The following RAB3GAP1 variants were observed in gnomAD, a reference collection of about 807,000 sequenced individuals.
The protein encoded by RAB3GAP1 is rab3 GTPase-activating protein catalytic subunit.
In RAB3GAP1, 86 loss-of-function variants were observed where a neutral mutation model predicts 130.7. The ratio of observed to expected loss-of-function variants is 0.66; its 90% CI spans 0.55 to 0.79. The LOEUF is 0.79. Among genes scored for constraint, RAB3GAP1 ranks in the 30% least tolerant of loss-of-function variants. RAB3GAP1 has a pLI of 0.00. For missense variants in RAB3GAP1, 1,029 were observed against 1,169.4 expected (o/e 0.88, Z 1.75); for synonymous variants, 367 against 401.7 (o/e 0.91, Z 1.03).
intron 19 of RAB3GAP1, among the ~76,000 whole-genome samples, chr2:135,155,473 G>A (rs926369416): frequency 1.3e-5 from 2 of 152,102 alleles, no homozygotes; most frequent in African/African-American, 2.4e-5. Flanking sequence ...CAGTCCCTAT[G>A]GCTTAACAAA....
At chr2:135,064,755 G>T (rs72976393) in intron 3 of RAB3GAP1, among the ~76,000 whole-genome samples, 6,200 of 104,034 alleles carry the variant, frequency 0.06, 423 homozygotes, top group African/African-American at 0.19. Flanking sequence ...GAGGTGTTTT[G>T]TTTTTTTTTT....
In RAB3GAP1 at chr2:135,130,638, C is replaced by G. The variant is rs771433559; in HGVS notation, c.1153C>G (p.His385Asp). The change falls in exon 13 of 24, where the codon CAC (histidine) becomes GAC (aspartate). Residue 385 changes from histidine (H) to aspartate (D), a missense_variant. Physicochemically the swap from His to Asp is moderately conservative, Grantham distance 81. Transcript: ENST00000264158. ...TAAATTATCAGTTTCAAATATGGTA[C>G]ACACTGCAAAGAAGAAAATCCGAAA... ...IHKLSVSNMV[H>D]TAKKKIRKHR... The G allele has an allele frequency of 5.0e-6, 8 of 1,613,544 alleles. No individual in the cohort carries two copies. The South Asian group carries it at 8.8e-5, about 18-fold the overall frequency.
At chr2:135,058,298 T>TA in intron 3 of RAB3GAP1, 2 of 509,012 alleles carry the variant, frequency 3.9e-6, no homozygotes, top group Non-Finnish European at 7.0e-6. Flanking sequence ...AAGTTATATA[T>TA]ATGTGTGTGT....
chr2:135,147,600 T>A (rs1347540215), intron 17 of RAB3GAP1, among the ~76,000 whole-genome samples: 1 of 150,226 alleles, frequency 6.7e-6, no homozygotes, highest in African/African-American at 2.5e-5. Context: ...CAGATTTTAA[T>A]TAATAGTAGT....
chr2:135,112,216 T>A (rs548311232), intron 5 of RAB3GAP1, among the ~76,000 whole-genome samples: 3 of 152,142 alleles, frequency 2.0e-5, no homozygotes, highest in African/African-American at 7.2e-5. Context: ...TGATGAAACC[T>A]ACAGCCGATA....
intron 18 of RAB3GAP1, 130 bp from the exon 19 acceptor site, chr2:135,153,519 C>G: frequency 1.2e-6 from 1 of 816,518 alleles, no homozygotes. Flanking sequence ...AAGGTGACAT[C>G]CAAATTCATT....
chr2:135,160,999 A>C (rs184612301), intron 19 of RAB3GAP1, among the ~76,000 whole-genome samples: 6 of 152,274 alleles, frequency 3.9e-5, no homozygotes, highest in Admixed American at 3.3e-4. Context: ...AATCCAGGTA[A>C]AGGGGAATCA....
At chr2:135,053,641 G>A (rs933735647) in intron 2 of RAB3GAP1, among the ~76,000 whole-genome samples, 1 of 152,106 alleles carries the variant, frequency 6.6e-6, no homozygotes, top group Non-Finnish European at 1.5e-5. Context: ...TAGACCTGTG[G>A]TACCCTTCAT....
chr2:135,144,055 G>A (rs1691926361), intron 17 of RAB3GAP1, among the ~76,000 whole-genome samples: 1 of 152,156 alleles, frequency 6.6e-6, no homozygotes, highest in Admixed American at 6.5e-5. Context: ...TCAGCCCTGG[G>A]CCTGCCGCAG....
chr2:135,132,800 C>G (rs1040926877), intron 13 of RAB3GAP1, 95 bp from the exon 14 acceptor site: 1 of 764,140 alleles, frequency 1.3e-6, no homozygotes, highest in South Asian at 1.4e-5. Flanking sequence ...GCAGCAAAAC[C>G]ATTAAAAAGT....
intron 19 of RAB3GAP1, among the ~76,000 whole-genome samples, chr2:135,158,086 T>G (rs903458949): frequency 1.3e-5 from 2 of 152,120 alleles, no homozygotes; most frequent in Non-Finnish European, 1.5e-5. Flanking sequence ...TGGTGTGGAC[T>G]TACGAGTTTT....
At chr2:135,165,324 C>T (rs1692606152) in intron 23 of RAB3GAP1, among the ~76,000 whole-genome samples, 1 of 152,148 alleles carries the variant, frequency 6.6e-6, no homozygotes, top group East Asian at 1.9e-4. Flanking sequence ...TGGCATCCTA[C>T]AGATAATTCT....
chr2:135,155,676 A>G (rs1008251154), intron 19 of RAB3GAP1, among the ~76,000 whole-genome samples: 24 of 152,304 alleles, frequency 1.6e-4, no homozygotes, highest in Admixed American at 9.2e-4. Context: ...TTGAAAAACA[A>G]TGAGGATGAA....
At chr2:135,058,178 A>G in intron 3 of RAB3GAP1, 92 bp downstream of exon 3, 1 of 1,105,746 alleles carries the variant, frequency 9.0e-7, no homozygotes, top group Non-Finnish European at 1.4e-6. Context: ...TTTGAATTAA[A>G]TGTTTTTTAA....
intron 5 of RAB3GAP1, among the ~76,000 whole-genome samples, chr2:135,111,486 T>A (rs1199453740): frequency 1.3e-5 from 2 of 152,192 alleles, no homozygotes; most frequent in African/African-American, 4.8e-5. Context: ...TTTATGATAA[T>A]TTTTTAACCC....
At position 135,065,092 on chromosome 2, in the gene RAB3GAP1, A is replaced by C. The variant is rs979680276; in HGVS notation, c.150+7006A>C. 9.2e-5 allele frequency among the ~76,000 whole-genome samples: 14 copies of C among 152,206 alleles called. No homozygotes were observed. In the East Asian group the frequency reaches 2.3e-3, roughly 25 times the overall value. Reference sequence around the variant, plus strand: ...AGATAGCCAAGGTTTGGGACAGTTTATATATAAATTTGGGGGACTTACCCC... The same window carrying C: ...AGATAGCCAAGGTTTGGGACAGTTTCTATATAAATTTGGGGGACTTACCCC... On this transcript the variant is annotated intron_variant, in intron 3 of 23. Coordinates refer to ENST00000264158, the MANE Select transcript of RAB3GAP1 (RefSeq NM_012233.3).
chr2:135,149,583 T>G (rs992086711), intron 17 of RAB3GAP1, among the ~76,000 whole-genome samples: 7 of 152,224 alleles, frequency 4.6e-5, no homozygotes, highest in African/African-American at 1.7e-4. Context: ...GCAGGATAAT[T>G]AAAAGTGATG....
chr2:135,126,126 A>ACCC, intron 9 of RAB3GAP1, 55 bp from the exon 10 acceptor site: 1 of 1,271,436 alleles, frequency 7.9e-7, no homozygotes, highest in Non-Finnish European at 1.1e-6. Flanking sequence ...TAGAAGTATT[A>ACCC]AATATAATTG....
intron 22 of RAB3GAP1, 36 bp downstream of exon 22, chr2:135,163,137 G>T (rs371719870): frequency 5.5e-6 from 8 of 1,450,940 alleles, no homozygotes; most frequent in Non-Finnish European, 7.8e-6. Context: ...TTTGTCTGCA[G>T]TAGGAAAAGC....
Sources: allele counts gnomAD v4.1 joint callset (sites outside exome capture counted in the v4.1 genomes callset), GRCh38; gene constraint gnomAD v4.1.1; transcripts MANE v1.5; gene names NCBI Gene and HGNC (gene_info 2026-07-23, HGNC 2026-07-21).